The following CD4 variants were observed in gnomAD, a reference collection of about 807,000 sequenced individuals.
CD4 encodes CD4 molecule, also known as T-cell surface glycoprotein CD4.
Under a neutral mutation model 50.5 loss-of-function variants are expected in CD4, and 25 were observed. That is an observed-to-expected ratio of 0.49 (90% CI 0.36 to 0.69). The LOEUF (loss-of-function observed/expected upper bound fraction) is 0.69, where lower values mean the gene tolerates loss of function less well. CD4 is among the 30% of genes least tolerant of loss of function. The pLI, the probability that CD4 is intolerant of heterozygous loss-of-function variation, is 0.00. For missense variants in CD4, 456 were observed against 548.5 expected (o/e 0.83, Z 1.68); for synonymous variants, 207 against 221.9 (o/e 0.93, Z 0.60).
intron 4 of CD4, chr12:6,814,527 G>C: frequency 1.6e-6 from 1 of 642,944 alleles, no homozygotes; most frequent in Non-Finnish European, 2.7e-6. Flanking sequence ...AAGGGAAGGA[G>C]GCAAGGGAAG....
intron 7 of CD4, among the ~76,000 whole-genome samples, chr12:6,817,960 C>T (rs531478649): frequency 3.9e-5 from 6 of 152,046 alleles, no homozygotes; most frequent in Non-Finnish European, 7.4e-5. Context: ...CATCCGCACA[C>T]GCATTATTCA....
chr12:6,818,967 GTTAGAGAGGA>G lies in CD4; in HGVS notation c.1346+54_1346+63del. ...GAGGGGAAAGGGGGAGGGGGAGGGAGTTAGAGAGGAGGGGGAGGAAGGGGAGCAAAGGGGG... is the reference window on the plus strand; with the variant it reads ...GAGGGGAAAGGGGGAGGGGGAGGGAGGGGGGAGGAAGGGGAGCAAAGGGGG... On this transcript the variant is annotated intron_variant, in intron 9 of 9. Transcript: ENST00000011653. This position sits in a 1 kb window ranked among gnomAD's most constrained non-coding sequence, Gnocchi z 5.0. 2.8e-6 allele frequency: 2 copies of G among 720,134 alleles called. No homozygotes were observed. Among genetic ancestry groups the G allele is most frequent in the East Asian group, 3.0e-5 (1 of 33,258 alleles). 44.6% of individuals were successfully genotyped at this position (720,134 alleles called of 1,614,324 possible). A position where few individuals can be genotyped will look rare whatever the true frequency, so the allele number is the denominator to read the frequency against.
At chr12:6,815,154 G>A in intron 5 of CD4, 162 bp downstream of exon 5, 1 of 600,252 alleles carries the variant, frequency 1.7e-6, no homozygotes. Context: ...ACTCACTGGG[G>A]CCCTCATCCT....
chr12:6,793,853 ATGTTGGC>A (rs1158468943), intron 1 of CD4, among the ~76,000 whole-genome samples: 26 of 151,460 alleles, frequency 1.7e-4, no homozygotes, highest in African/African-American at 5.8e-4. Context: ...GGGTTTCATG[ATGTTGGC>A]CAGGCTGGTC....
rs782075037 is a variant in CD4, at chr12:6,800,294, C to T, written c.50-13C>T. 2.4e-5 allele frequency: 38 copies of T among 1,613,844 alleles called. No individual in the cohort carries two copies. The highest frequency in any genetic ancestry group is 3.3e-4 in the Middle Eastern group (2 of 6,060). On this transcript the variant is annotated splice_polypyrimidine_tract_variant and intron_variant, in intron 2 of 9. Coordinates refer to ENST00000011653, the MANE Select transcript of CD4 (RefSeq NM_000616.5). ...GGCGACATTGAGACCTGACTCCTTTCTTTTCCACTTAGCGCTCCTCCCAGC... is the reference window on the plus strand; with the variant it reads ...GGCGACATTGAGACCTGACTCCTTTTTTTTCCACTTAGCGCTCCTCCCAGC...
intron 3 of CD4, among the ~76,000 whole-genome samples, chr12:6,807,653 G>A (rs782368488): frequency 6.6e-6 from 1 of 152,164 alleles, no homozygotes; most frequent in Non-Finnish European, 1.5e-5. Context: ...GTCAATGTGA[G>A]CATACTGGTT....
intron 3 of CD4, among the ~76,000 whole-genome samples, chr12:6,804,613 C>T (rs1182259021): frequency 1.3e-5 from 2 of 152,182 alleles, no homozygotes; most frequent in Non-Finnish European, 2.9e-5. Context: ...TGGCTCACAC[C>T]TGTAATTCCT....
At chr12:6,797,626 T>C (rs973876442) in intron 1 of CD4, among the ~76,000 whole-genome samples, 4 of 152,070 alleles carry the variant, frequency 2.6e-5, no homozygotes, top group African/African-American at 9.7e-5. Flanking sequence ...GGTGGGGCTA[T>C]AGGGTGAAGG....
At chr12:6,791,489 C>T (rs557797752) in intron 1 of CD4, among the ~76,000 whole-genome samples, 3 of 152,300 alleles carry the variant, frequency 2.0e-5, no homozygotes, top group Admixed American at 6.5e-5. Flanking sequence ...ATGATCCGCC[C>T]GCCTTGGCCT....
rs1555118490 is a variant in CD4, at chr12:6,818,525, A to G, written c.1261A>G (p.Arg421Gly). Residue 421 changes from arginine to glycine, a missense_variant, in exon 8 of 10, where the codon AGG becomes GGG. By Grantham distance (125) the Arg-to-Gly change is moderately radical. Coordinates refer to ENST00000011653, the MANE Select transcript of CD4 (RefSeq NM_000616.5). The surrounding 1 kb of genome is among the most constrained non-coding windows in gnomAD (Gnocchi z 5.0). ...TGGGCTAGGCATCTTCTTCTGTGTC[A>G]GGTGCCGGCACCGAAGGGTGAGTAA... ...FIGLGIFFCVRCRHRRRQAER... is the reference protein window; with the variant it reads ...FIGLGIFFCVGCRHRRRQAER... 3 of 1,612,902 alleles carry G rather than the reference A, an allele frequency of 1.9e-6. No individual in the cohort carries two copies. The highest frequency in any genetic ancestry group is 2.2e-5 in the East Asian group (1 of 44,884).
In CD4 at chr12:6,818,156, C is replaced by T. The variant is rs782342990; in HGVS notation, c.1157-265C>T. 6.6e-6 allele frequency among the ~76,000 whole-genome samples: 1 copy of T among 152,270 alleles called. No homozygotes were observed. Among genetic ancestry groups the T allele is most frequent in the South Asian group, 2.1e-4 (1 of 4,818 alleles). ...ACGCACACACATGCACACACTCACA[C>T]ATGCACACACACATGCACTCACACA... On this transcript the variant is annotated intron_variant, in intron 7 of 9. Coordinates refer to ENST00000011653, the MANE Select transcript of CD4 (RefSeq NM_000616.5). This position sits in a 1 kb window ranked among gnomAD's most constrained non-coding sequence, Gnocchi z 5.0.
chr12:6,798,319 G>A lies in CD4; in HGVS notation c.-67-1753G>A, dbSNP rs1198079038. ...CGAGTAGCTGGGACTACAGGCGCCC[G>A]CCACCACGCCCGGCTAATTTTTTTG... On this transcript the variant is annotated intron_variant, in intron 1 of 9. Coordinates refer to ENST00000011653, the MANE Select transcript of CD4 (RefSeq NM_000616.5). Among the ~76,000 whole-genome samples, 3 of 133,538 alleles carry A rather than the reference G, an allele frequency of 2.2e-5. 1 individual carries two copies. The highest frequency in any genetic ancestry group is 5.1e-5 in the Non-Finnish European group (3 of 59,276). 87.6% of individuals were successfully genotyped at this position (133,538 alleles called of 152,430 possible).
chr12:6,811,995 T>C (rs1277648693), intron 3 of CD4, among the ~76,000 whole-genome samples: 2 of 152,174 alleles, frequency 1.3e-5, no homozygotes, highest in Non-Finnish European at 2.9e-5. Flanking sequence ...AAAATAATTT[T>C]TTTTAGAGAC....
intron 3 of CD4, among the ~76,000 whole-genome samples, chr12:6,800,775 A>C (rs2137861200): frequency 6.6e-6 from 1 of 152,320 alleles, no homozygotes; most frequent in South Asian, 2.1e-4. Context: ...CTATGTAGAT[A>C]ATACTTTGCA....
At chr12:6,800,252 G>A in intron 2 of CD4, 55 bp from the exon 3 acceptor site, 1 of 1,612,390 alleles carries the variant, frequency 6.2e-7, no homozygotes, top group Non-Finnish European at 8.5e-7. Context: ...GTGGAGGATG[G>A]GGTAGAGGGG....
chr12:6,815,952 G>A lies in CD4; in HGVS notation c.608-104G>A, dbSNP rs782280358. The A allele has an allele frequency of 2.8e-5, 43 of 1,550,684 alleles. No individual in the cohort carries two copies. The South Asian group carries it at 2.9e-4, about 10-fold the overall frequency. ...AGTGACAAGGTGGGTGTCTGGACTC[G>A]TCGGGTCCCCTTCCATCTCCCTGCT... On this transcript the variant is annotated intron_variant, in intron 5 of 9. Transcript: ENST00000011653.
rs1246464610 is a variant in CD4, at chr12:6,818,046, A to G, written c.1157-375A>G. On this transcript the variant is annotated intron_variant, in intron 7 of 9. Transcript: ENST00000011653. This position sits in a 1 kb window ranked among gnomAD's most constrained non-coding sequence, Gnocchi z 5.0. Reference sequence around the variant, plus strand: ...CATACACGCACACAGGCACACATTCACACACATGCACACACGCACACACAT... The same window carrying G: ...CATACACGCACACAGGCACACATTCGCACACATGCACACACGCACACACAT... 6.6e-6 allele frequency among the ~76,000 whole-genome samples: 1 copy of G among 150,408 alleles called. No individual in the cohort carries two copies. The highest frequency in any genetic ancestry group is 1.5e-5 in the Non-Finnish European group (1 of 67,716).
Position 6,816,071 on chromosome 12 carries a change from C to A in CD4, c.623C>A (p.Ser208Tyr), listed in dbSNP as rs781975957. 7 of 1,614,086 alleles carry A rather than the reference C, an allele frequency of 4.3e-6. No individual in the cohort carries two copies. In the Admixed American group the frequency reaches 1.2e-4, roughly 27 times the overall value. Residue 208 changes from serine to tyrosine, a missense_variant, in exon 6 of 10, where the codon TCC becomes TAC. Transcript: ENST00000011653. This position sits in a 1 kb window ranked among gnomAD's most constrained non-coding sequence, Gnocchi z 4.9. ...DIVVLAFQKA[S>Y]SIVYKKEGEQ... ...CCACCTCCAGCTTTCCAGAAGGCCT[C>A]CAGCATAGTCTATAAGAAAGAGGGG...
Position 6,816,093 on chromosome 12 carries a change from G to A in CD4, c.645G>A (p.Glu215=). 2 of 1,614,210 alleles carry A rather than the reference G, an allele frequency of 1.2e-6. No homozygotes were observed. The highest frequency in any genetic ancestry group is 1.1e-5 in the South Asian group (1 of 91,082). The change falls in exon 6 of 10, where the codon GAG becomes GAA. Residue 215 remains glutamate, a synonymous_variant. Transcript: ENST00000011653. The surrounding 1 kb of genome is among the most constrained non-coding windows in gnomAD (Gnocchi z 4.9). ...QKASSIVYKK[E]GEQVEFSFPL... Reference sequence around the variant, plus strand: ...CCTCCAGCATAGTCTATAAGAAAGAGGGGGAACAGGTGGAGTTCTCCTTCC... The same window carrying A: ...CCTCCAGCATAGTCTATAAGAAAGAAGGGGAACAGGTGGAGTTCTCCTTCC...
Sources: gnomAD v4.1 joint callset for allele counts (sites outside exome capture counted in the v4.1 genomes callset) on GRCh38, gnomAD v4.1.1 for gene constraint, Gnocchi (gnomAD v3.1) non-coding constraint, MANE v1.5 for transcripts, NCBI Gene and HGNC (gene_info 2026-07-23, HGNC 2026-07-21) for gene names.